Variants in DENND1A observed in about 807,000 individuals in gnomAD.
DENND1A encodes DENN domain-containing protein 1A.
DENND1A carries 51 observed loss-of-function variants against 113.7 expected under a neutral mutation model. That is an observed-to-expected ratio of 0.45 (90% confidence interval 0.36 to 0.57). The LOEUF (loss-of-function observed/expected upper bound fraction) is 0.57. Ranked by LOEUF, DENND1A falls within the 20% of genes least tolerant of loss-of-function variation. The pLI is 0.00. For synonymous variants in DENND1A, 565 were observed against 570.8 expected (o/e 0.99, Z 0.14); for missense variants, 1,258 against 1,395.9 (o/e 0.90, Z 1.57).
intron 13 of DENND1A, among the ~76,000 whole-genome samples, chr9:123,553,024 G>C (rs1248308333): frequency 6.6e-6 from 1 of 152,184 alleles, no homozygotes; most frequent in Admixed American, 6.5e-5. Flanking sequence ...TGGGAGTCTG[G>C]GGCTGAAGGA....
intron 10 of DENND1A, among the ~76,000 whole-genome samples, chr9:123,613,320 A>G (rs902733375): frequency 2.6e-5 from 4 of 152,194 alleles, no homozygotes; most frequent in African/African-American, 9.7e-5. Flanking sequence ...TAAAACAGCA[A>G]AATAAATTGG....
rs543416162 is a variant in DENND1A, at chr9:123,475,668, A to G, written c.994-17771T>C. 4.2e-4 allele frequency among the ~76,000 whole-genome samples: 64 copies of G among 152,334 alleles called. No individual in the cohort carries two copies. In the Middle Eastern group the frequency reaches 0.01, roughly 24 times the overall value. ...ACTGTGGGGGTTCCCGCTGCTGCAC[A>G]CTCGCCTGCCATCGCAGGTGTGGGG... On this transcript the variant is annotated intron_variant, in intron 13 of 23. Coordinates refer to ENST00000394215, the MANE Select transcript of DENND1A (RefSeq NM_001352964.2).
chr9:123,708,747 A>G (rs2066393269), intron 5 of DENND1A, among the ~76,000 whole-genome samples: 2 of 152,162 alleles, frequency 1.3e-5, no homozygotes, highest in African/African-American at 2.4e-5. Flanking sequence ...TATTGATTAC[A>G]TAATTGGGAA....
intron 10 of DENND1A, 25 bp from the exon 11 acceptor site, chr9:123,609,506 A>C: frequency 6.2e-7 from 1 of 1,610,578 alleles, no homozygotes; most frequent in Non-Finnish European, 8.5e-7. Context: ...AGAGACACAC[A>C]GCTGCTTTAA....
At chr9:123,527,747 T>A (rs917825824) in intron 13 of DENND1A, among the ~76,000 whole-genome samples, 10 of 152,198 alleles carry the variant, frequency 6.6e-5, no homozygotes, top group African/African-American at 2.4e-4. Context: ...ATGTGGTTAC[T>A]ATACTAACAC....
At position 123,845,450 on chromosome 9, in the gene DENND1A, A is replaced by G. The variant is rs192217752; in HGVS notation, c.88+33501T>C. Among the ~76,000 whole-genome samples the G allele has an allele frequency of 6.0e-4, 91 of 152,122 alleles. No homozygotes were observed. The Middle Eastern group carries it at 0.01, about 17-fold the overall frequency. ...GAAGCTGAGGCAGAAGAATCACTTG[A>G]GGCCAGGAGTTCAAGACCAGCCTGG... On this transcript the variant is annotated intron_variant, in intron 2 of 23. Transcript: ENST00000394215.
chr9:123,871,771 C>T (rs1025144161), intron 2 of DENND1A, among the ~76,000 whole-genome samples: 1 of 150,916 alleles, frequency 6.6e-6, no homozygotes, highest in Non-Finnish European at 1.5e-5. Context: ...GGCTAATGCA[C>T]TGAAAATGCT....
At chr9:123,646,305 G>A (rs935599372) in intron 9 of DENND1A, among the ~76,000 whole-genome samples, 5 of 152,138 alleles carry the variant, frequency 3.3e-5, no homozygotes, top group Admixed American at 3.3e-4. Context: ...ATGGAAGACT[G>A]AGGAGAGAAT....
intron 9 of DENND1A, among the ~76,000 whole-genome samples, chr9:123,649,246 TC>T (rs1466782766): frequency 6.6e-6 from 1 of 152,196 alleles, no homozygotes; most frequent in Admixed American, 6.5e-5. Flanking sequence ...GTGCTTTCCA[TC>T]CCTCTATTGA....
intron 11 of DENND1A, among the ~76,000 whole-genome samples, chr9:123,601,153 C>T (rs1209487324): frequency 6.6e-6 from 1 of 152,182 alleles, no homozygotes; most frequent in Non-Finnish European, 1.5e-5. Flanking sequence ...GGATTCTCCT[C>T]ATCATTACTG....
Position 123,521,589 on chromosome 9 carries a change from A to G in DENND1A, c.993+35981T>C, listed in dbSNP as rs529072269. ...CTTAAGTTTCATGATTCCTTAAAGA[A>G]GGGCCTTCCATGCGGAAGGACAGGG... On this transcript the variant is annotated intron_variant, in intron 13 of 23. Transcript: ENST00000394215. Among the ~76,000 whole-genome samples, 30 of 152,374 alleles carry G rather than the reference A, an allele frequency of 2.0e-4. No homozygotes were observed. In the East Asian group the frequency reaches 5.8e-3, roughly 29 times the overall value.
chr9:123,827,572 T>C (rs997014998), intron 2 of DENND1A, among the ~76,000 whole-genome samples: 1 of 151,884 alleles, frequency 6.6e-6, no homozygotes, highest in African/African-American at 2.4e-5. Flanking sequence ...TTTAAGAACA[T>C]GTTTCTCCCA....
At chr9:123,641,545 T>C (rs1000430588) in intron 9 of DENND1A, among the ~76,000 whole-genome samples, 8 of 152,052 alleles carry the variant, frequency 5.3e-5, no homozygotes, top group African/African-American at 1.7e-4. Context: ...CTGAACAGAT[T>C]ATACTCAGCT....
chr9:123,899,371 C>T (rs1851249754), intron 1 of DENND1A, among the ~76,000 whole-genome samples: 1 of 152,148 alleles, frequency 6.6e-6, no homozygotes, highest in African/African-American at 2.4e-5. Flanking sequence ...ATTTCAGCTT[C>T]TCCTCTCTCC....
chr9:123,566,941 A>AC (rs58030946), intron 12 of DENND1A, among the ~76,000 whole-genome samples: 53 of 151,452 alleles, frequency 3.5e-4, no homozygotes, highest in East Asian at 2.1e-3. Context: ...ACACACACAC[A>AC]AACACACACA....
chr9:123,527,866 G>C (rs1296433379), intron 13 of DENND1A, among the ~76,000 whole-genome samples: 4 of 152,190 alleles, frequency 2.6e-5, no homozygotes, highest in African/African-American at 9.6e-5. Flanking sequence ...CCTTGATTCT[G>C]CAACTAACTT....
intron 9 of DENND1A, among the ~76,000 whole-genome samples, 174 bp downstream of exon 9, chr9:123,651,839 A>T (rs2139408854): frequency 7.3e-6 from 1 of 137,486 alleles, no homozygotes; most frequent in Middle Eastern, 3.6e-3. Flanking sequence ...GGAATAAATG[A>T]AATGTGCATT....
rs148982854 is a variant in DENND1A, at chr9:123,382,229, G to C, written c.2416C>G (p.Arg806Gly). The C allele has an allele frequency of 6.1e-4, 987 of 1,609,164 alleles. No homozygotes were observed. Among genetic ancestry groups the C allele is most frequent in the Non-Finnish European group, 7.6e-4 (902 of 1,179,480 alleles). Residue 806 changes from arginine to glycine, a missense_variant, in exon 24 of 24, where the codon CGA becomes GGA. Physicochemically the swap from Arg to Gly is moderately radical, Grantham distance 125. Transcript: ENST00000394215. ...AGGAGCCCTGGACTCAGGGCAGCTC[G>C]CCTGTCCCGATCCGTCTGCAGCCGC... The part of the protein sequence containing the change: ...SERLQTDRDR[R>G]AALSPGLLPG...
chr9:123,622,508 G>A (rs577354403), intron 10 of DENND1A, among the ~76,000 whole-genome samples: 14 of 151,916 alleles, frequency 9.2e-5, no homozygotes, highest in African/African-American at 2.7e-4. Context: ...GACAACATAC[G>A]TCTACAATTA....
Sources: allele counts gnomAD v4.1 joint callset (sites outside exome capture counted in the v4.1 genomes callset), GRCh38; gene constraint gnomAD v4.1.1; transcripts MANE v1.5; gene names NCBI Gene and HGNC (gene_info 2026-07-23, HGNC 2026-07-21).